Variants in KANK1 observed in about 807,000 individuals in gnomAD.
KANK1 encodes KN motif and ankyrin repeat domains 1, also known as KN motif and ankyrin repeat domain-containing protein 1.
Under a neutral mutation model 106.2 loss-of-function variants are expected in KANK1, and 109 were observed. The observed-to-expected ratio is 1.03, with a 90% confidence interval of 0.88 to 1.20. The LOEUF (loss-of-function observed/expected upper bound fraction) is 1.20, where lower values mean the gene tolerates loss of function less well. Ranked by LOEUF, KANK1 falls within the 50% of genes most tolerant of loss-of-function variation. KANK1 has a pLI of 0.00. For missense variants in KANK1, 2,399 were observed against 1,710.7 expected (o/e 1.40, Z -7.10); for synonymous variants, 873 against 652.2 (o/e 1.34, Z -5.16).
chr9:589,350 G>C (rs1013575679), intron 1 of KANK1, among the ~76,000 whole-genome samples: 1 of 152,160 alleles, frequency 6.6e-6, no homozygotes, highest in Admixed American at 6.5e-5. Flanking sequence ...ACTTACTCTT[G>C]ATGCTTCATA....
chr9:591,967 C>T (rs2642004), intron 1 of KANK1, among the ~76,000 whole-genome samples: 133,924 of 151,660 alleles, frequency 0.88, 59,500 homozygotes, highest in Non-Finnish European at 0.92. Flanking sequence ...CCACAATTAT[C>T]ATTTCTTATT....
intron 1 of KANK1, among the ~76,000 whole-genome samples, chr9:664,494 GC>G (rs2138255006): frequency 6.6e-6 from 1 of 152,158 alleles, no homozygotes; most frequent in East Asian, 1.9e-4. Flanking sequence ...ACAGAGTCCT[GC>G]TATGTTGTCC....
intron 1 of KANK1, 87 bp downstream of exon 1, chr9:504,841 G>C (rs1369730387): frequency 7.9e-6 from 1 of 126,566 alleles, no homozygotes; most frequent in Non-Finnish European, 1.7e-5. Flanking sequence ...CCTCGGGCTG[G>C]CCCCGCGCGG....
intron 11 of KANK1, chr9:744,807 CAT>C (rs1253002855): frequency 6.2e-6 from 9 of 1,442,204 alleles, no homozygotes; most frequent in Middle Eastern, 4.1e-4. Context: ...CCTTGCAAGA[CAT>C]ATGCTCACAG....
At chr9:743,348 G>T (rs1836204967) in intron 10 of KANK1, among the ~76,000 whole-genome samples, 1 of 152,208 alleles carries the variant, frequency 6.6e-6, no homozygotes, top group Non-Finnish European at 1.5e-5. Flanking sequence ...CTCCACAGGA[G>T]CACATGGAAG....
intron 2 of KANK1, among the ~76,000 whole-genome samples, chr9:701,193 A>G (rs946885585): frequency 1.3e-5 from 2 of 152,092 alleles, no homozygotes; most frequent in Admixed American, 6.5e-5. Flanking sequence ...GGCTCACCAC[A>G]ACCTCTGCCT....
intron 1 of KANK1, among the ~76,000 whole-genome samples, chr9:607,438 T>A (rs1340713345): frequency 7.2e-6 from 1 of 139,536 alleles, no homozygotes; most frequent in African/African-American, 2.8e-5. Flanking sequence ...TGAGCCAAGA[T>A]CGTGCCATTG....
chr9:532,555 CT>C (rs1258622915), intron 1 of KANK1, among the ~76,000 whole-genome samples: 1 of 151,924 alleles, frequency 6.6e-6, no homozygotes, highest in Non-Finnish European at 1.5e-5. Context: ...CCTCCAGCCC[CT>C]GGTAACAACC....
At chr9:573,919 G>A (rs1248113971) in intron 1 of KANK1, among the ~76,000 whole-genome samples, 1 of 152,220 alleles carries the variant, frequency 6.6e-6, no homozygotes, top group African/African-American at 2.4e-5. Context: ...TTTTGTAATT[G>A]CATTTAGCTT....
At position 745,188 on chromosome 9, in the gene KANK1, G is replaced by C. The variant is rs754224970; in HGVS notation, c.4012G>C (p.Gly1338Arg). 1.9e-6 allele frequency: 3 copies of C among 1,614,030 alleles called. No homozygotes were observed. Among genetic ancestry groups the C allele is most frequent in the Middle Eastern group, 1.6e-4 (1 of 6,062 alleles). The part of the protein sequence containing the change: ...KAQSPGTPRL[G>R]RKTSPGPTHR... ...TGGTCTCTAGGGCACCCCTAGGCTT[G>C]GAAGGAAGACGTCTCCTGGCCCCAC... The change falls in exon 12 of 12, where the codon GGA (glycine) becomes CGA (arginine). Residue 1338 changes from glycine (G) to arginine (R), a missense_variant. By Grantham distance (125) the Gly-to-Arg change is moderately radical. Transcript: ENST00000382297.
chr9:743,201 T>G (rs1205496588), intron 10 of KANK1, among the ~76,000 whole-genome samples: 1 of 152,220 alleles, frequency 6.6e-6, no homozygotes, highest in Non-Finnish European at 1.5e-5. Context: ...GGATCAGAGC[T>G]TCTTTAGCTC....
At chr9:478,122 G>C (rs772591392) in intron 3 of KANK1, 1 of 213,092 alleles carries the variant, frequency 4.7e-6, no homozygotes, top group Non-Finnish European at 9.4e-6. Flanking sequence ...AGGAACCAGA[G>C]ACAGAAAGAA....
chr9:542,724 CA>C (rs2060680917), intron 1 of KANK1, among the ~76,000 whole-genome samples: 1 of 152,164 alleles, frequency 6.6e-6, no homozygotes, highest in Admixed American at 6.5e-5. Flanking sequence ...TTCACCCTTA[CA>C]AAAGAAGAAA....
chr9:695,170 G>A (rs891482314), intron 2 of KANK1, among the ~76,000 whole-genome samples: 1 of 152,066 alleles, frequency 6.6e-6, no homozygotes, highest in African/African-American at 2.4e-5. Context: ...ACCTAGGCAG[G>A]CCATTCAGGA....
chr9:737,014 A>C (rs80053534), intron 7 of KANK1, among the ~76,000 whole-genome samples: 1 of 152,194 alleles, frequency 6.6e-6, no homozygotes, highest in African/African-American at 2.4e-5. Context: ...TGTGATGGGT[A>C]CATCTTTTTA....
At chr9:662,035 A>G (rs1311854912) in intron 1 of KANK1, among the ~76,000 whole-genome samples, 3 of 152,198 alleles carry the variant, frequency 2.0e-5, no homozygotes, top group Non-Finnish European at 2.9e-5. Flanking sequence ...GCCCTTTGTC[A>G]GATGGGTAGA....
chr9:712,374 G>A lies in KANK1; in HGVS notation c.1608G>A (p.Thr536=), dbSNP rs540979426. 44 of 1,614,198 alleles carry A rather than the reference G, an allele frequency of 2.7e-5. No individual in the cohort carries two copies. Among genetic ancestry groups the A allele is most frequent in the Admixed American group, 2.3e-4 (14 of 60,032 alleles). ...GCAGTCACATGGACCTGGTGGACAC[G>A]TGTGTTGGGACCTCCGTGGAAACAA... is the stretch of plus-strand genomic sequence containing the variant. The part of the protein sequence containing the change: ...MVGSHMDLVD[T]CVGTSVETNS... Residue 536 remains threonine (T), a synonymous_variant, in exon 3 of 12, where the codon ACG becomes ACA. Coordinates refer to ENST00000382297, the MANE Select transcript of KANK1 (RefSeq NM_015158.5).
chr9:486,150 A>G (rs1281162485), intron 3 of KANK1, among the ~76,000 whole-genome samples: 1 of 152,216 alleles, frequency 6.6e-6, no homozygotes, highest in East Asian at 1.9e-4. Flanking sequence ...CAGACAGGAA[A>G]GCAAATCTCC....
intron 1 of KANK1, among the ~76,000 whole-genome samples, chr9:641,497 A>G (rs1489260954): frequency 2.6e-5 from 4 of 152,182 alleles, no homozygotes; most frequent in Non-Finnish European, 4.4e-5. Flanking sequence ...ACCATGAACA[A>G]CATGCAAATG....
Sources: allele counts gnomAD v4.1 joint callset (sites outside exome capture counted in the v4.1 genomes callset), GRCh38; gene constraint gnomAD v4.1.1; transcripts MANE v1.5; gene names NCBI Gene and HGNC (gene_info 2026-07-23, HGNC 2026-07-21).